The following ZNF419 variants were observed in gnomAD, a reference collection of about 807,000 sequenced individuals.
ZNF419 encodes the protein zinc finger protein 419.
ZNF419 carries 8 observed loss-of-function variants against 14.9 expected under a neutral mutation model. That is an observed-to-expected ratio of 0.54 (90% CI 0.32 to 0.97). The LOEUF (loss-of-function observed/expected upper bound fraction) is 0.97, where lower values mean the gene tolerates loss of function less well. Ranked by LOEUF, ZNF419 falls within the 50% of genes least tolerant of loss-of-function variation. The pLI is 0.04. For synonymous variants in ZNF419, 211 were observed against 205.3 expected, an observed-to-expected ratio of 1.03 and a Z score of -0.24; for missense variants, 595 against 607.2, an observed-to-expected ratio of 0.98 and a Z score of 0.21.
Position 57,493,958 on chromosome 19 carries a change from T to C in ZNF419, c.1401T>C (p.Asn467=). The change falls in exon 5 of 5, where the codon AAT becomes AAC. Residue 467 remains asparagine, a synonymous_variant. Transcript: ENST00000221735. Reference sequence around the variant, plus strand: ...AATGTGGGAGATTGTTTAGAGAGAATTCCAGCCTTGTTAAACATCAGAGGG... The same window carrying C: ...AATGTGGGAGATTGTTTAGAGAGAACTCCAGCCTTGTTAAACATCAGAGGG... ...CNECGRLFRE[N]SSLVKHQRVH... is the part of the protein sequence containing the mutation. 3 of 1,614,022 alleles carry C rather than the reference T, an allele frequency of 1.9e-6. No homozygotes were observed. The highest frequency in any genetic ancestry group is 2.5e-6 in the Non-Finnish European group (3 of 1,180,006).
At chr19:57,490,330 G>T in intron 2 of ZNF419, 145 bp downstream of exon 2, 1 of 665,408 alleles carries the variant, frequency 1.5e-6, no homozygotes, top group Non-Finnish European at 2.7e-6. Context: ...CACAGTCAGG[G>T]CCCTGAGTCC....
chr19:57,493,621 A>G lies in ZNF419; in HGVS notation c.1064A>G (p.Lys355Arg), dbSNP rs2089553001. The change falls in exon 5 of 5, where the codon AAG becomes AGG. Residue 355 changes from lysine to arginine, a missense_variant. Physicochemically the swap from Lys to Arg is conservative, Grantham distance 26 (BLOSUM62 2). Transcript: ENST00000221735. ...GAATGTGGAAAATTCTATAGCCACA[A>G]GTCCAACCTTATCAAACATTGGCGT... is the stretch of plus-strand genomic sequence containing the variant. ...CSECGKFYSH[K>R]SNLIKHWRVH... is the part of the protein sequence containing the mutation. The G allele has an allele frequency of 6.2e-7, 1 of 1,614,074 alleles. No individual in the cohort carries two copies.
intron 3 of ZNF419, 78 bp downstream of exon 3, chr19:57,491,675 T>C: frequency 6.2e-7 from 1 of 1,609,428 alleles, no homozygotes; most frequent in Non-Finnish European, 8.5e-7. Flanking sequence ...AGGTCTGTTC[T>C]TCCCAAAGCT....
intron 1 of ZNF419, chr19:57,489,219 A>C (rs1360089667): frequency 1.3e-5 from 2 of 152,242 alleles, no homozygotes; most frequent in African/African-American, 4.8e-5. Context: ...GTATGTGCTC[A>C]GGTTTCTCAG....
chr19:57,493,933 A>T lies in ZNF419; in HGVS notation c.1376A>T (p.Glu459Val). Residue 459 changes from glutamate to valine, a missense_variant, in exon 5 of 5, where the codon GAA (glutamate) becomes GTA (valine). Physicochemically the swap from Glu to Val is moderately radical, Grantham distance 121. Coordinates refer to ENST00000221735, the MANE Select transcript of ZNF419 (RefSeq NM_024691.4). ...HIGEKPFKCNECGRLFRENSS... is the reference protein window; with the variant it reads ...HIGEKPFKCNVCGRLFRENSS... ...GGAGAAAAGCCTTTTAAGTGCAATG[A>T]ATGTGGGAGATTGTTTAGAGAGAAT... The T allele has an allele frequency of 6.2e-7, 1 of 1,613,976 alleles. No homozygotes were observed. The highest frequency in any genetic ancestry group is 8.5e-7 in the Non-Finnish European group (1 of 1,180,012).
intron 1 of ZNF419, 28 bp downstream of exon 1, chr19:57,488,011 C>G (rs768330924): frequency 3.1e-6 from 5 of 1,613,294 alleles, no homozygotes; most frequent in Non-Finnish European, 4.2e-6. Flanking sequence ...CTGGCCTCCC[C>G]CGAATCCTAA....
In ZNF419 at chr19:57,496,062, A is replaced by G. The variant is rs1434411698; in HGVS notation, c.*1972A>G. Reference sequence around the variant, plus strand: ...ACAACATGATTTGAGGAAATACTGCATTGGAAAATAAATAAATGTTCACAG... The same window carrying G: ...ACAACATGATTTGAGGAAATACTGCGTTGGAAAATAAATAAATGTTCACAG... On this transcript the variant is annotated 3_prime_UTR_variant, in exon 5 of 5. Coordinates refer to ENST00000221735, the MANE Select transcript of ZNF419 (RefSeq NM_024691.4). The G allele has an allele frequency of 6.6e-6, 1 of 152,188 alleles. No homozygotes were observed. Among genetic ancestry groups the G allele is most frequent in the East Asian group, 1.9e-4 (1 of 5,188 alleles). The allele number at this position is 152,188 out of a possible 1,614,324, so 9.4% of individuals were successfully genotyped here. A position where few individuals can be genotyped will look rare whatever the true frequency, so the allele number is the denominator to read the frequency against.
At position 57,487,819 on chromosome 19, in the gene ZNF419, C is replaced by T. The variant is rs1433199170; in HGVS notation, c.-132C>T. 1.2e-5 allele frequency: 16 copies of T among 1,358,330 alleles called. No individual in the cohort carries two copies. The highest frequency in any genetic ancestry group is 4.3e-5 in the African/African-American group (3 of 69,378). 84.1% of individuals were successfully genotyped at this position (1,358,330 alleles called of 1,614,324 possible). On this transcript the variant is annotated 5_prime_UTR_variant, in exon 1 of 5. Coordinates refer to ENST00000221735, the MANE Select transcript of ZNF419 (RefSeq NM_024691.4). ...GGTTGTGCGCTGAGGCGACCAGCGCCGGAAGGCACGGTGGCGACTCACGCT... is the reference window on the plus strand; with the variant it reads ...GGTTGTGCGCTGAGGCGACCAGCGCTGGAAGGCACGGTGGCGACTCACGCT...
chr19:57,491,770 C>A (rs1416482780), intron 3 of ZNF419, 173 bp downstream of exon 3: 2 of 979,876 alleles, frequency 2.0e-6, no homozygotes, highest in Non-Finnish European at 3.1e-6. Context: ...ACCTTCTCTC[C>A]CCAAGCTGCC....
intron 3 of ZNF419, 199 bp from the exon 4 acceptor site, chr19:57,491,914 C>T: frequency 1.5e-6 from 1 of 655,232 alleles, no homozygotes; most frequent in South Asian, 1.8e-5. Flanking sequence ...TACATTCTGC[C>T]TGTCTCCTCT....
chr19:57,493,026 A>C lies in ZNF419; in HGVS notation c.469A>C (p.Lys157Gln). 1.9e-6 allele frequency: 3 copies of C among 1,614,168 alleles called. No individual in the cohort carries two copies. The highest frequency in any genetic ancestry group is 2.5e-6 in the Non-Finnish European group (3 of 1,180,028). ...LRSCKVHLSE[K>Q]SLQSREVGKA... ...GAGTTGCAAAGTTCACCTATCAGAG[A>C]AGTCCTTGCAAAGCAGGGAGGTTGG... The change falls in exon 5 of 5, where the codon AAG becomes CAG. Residue 157 changes from lysine to glutamine, a missense_variant. Physicochemically the swap from Lys to Gln is moderately conservative, Grantham distance 53. Transcript: ENST00000221735.
chr19:57,492,897 A>C lies in ZNF419; in HGVS notation c.340A>C (p.Ile114Leu), dbSNP rs768286749. ...GAEAEEAPEQ[I>L]ASVGLLSSNI... ...CGAGGCTGAGGAGGCTCCTGAGCAG[A>C]TTGCTTCTGTAGGACTGCTCAGTTC... Residue 114 changes from isoleucine (I) to leucine (L), a missense_variant, in exon 5 of 5, where the codon ATT becomes CTT. Coordinates refer to ENST00000221735, the MANE Select transcript of ZNF419 (RefSeq NM_024691.4). 66 of 1,613,972 alleles carry C rather than the reference A, an allele frequency of 4.1e-5. 2 individuals carry two copies. The highest frequency in any genetic ancestry group is 1.8e-5 in the Non-Finnish European group (21 of 1,179,992).
intron 2 of ZNF419, 89 bp downstream of exon 2, chr19:57,490,274 C>G: frequency 7.9e-7 from 1 of 1,258,940 alleles, no homozygotes; most frequent in Non-Finnish European, 1.1e-6. Flanking sequence ...TCCTTGCTGG[C>G]TATTCTCCCT....
In ZNF419 at chr19:57,491,233, G is replaced by C; in HGVS notation, c.73-238G>C. On this transcript the variant is annotated intron_variant, in intron 2 of 4. Coordinates refer to ENST00000221735, the MANE Select transcript of ZNF419 (RefSeq NM_024691.4). ...GGATCCAAGGTAAATTGTCTGGCAA[G>C]AGAAGAGTAGGACTCTGCATACCAT... is the stretch of plus-strand genomic sequence containing the variant. The C allele has an allele frequency of 8.7e-6, 5 of 573,246 alleles. No homozygotes were observed. The South Asian group carries it at 1.1e-4, about 13-fold the overall frequency. The allele number at this position is 573,246 out of a possible 1,614,324, so 35.5% of individuals were successfully genotyped here.
rs770160007 is a variant in ZNF419, at chr19:57,493,971, A to C, written c.1414A>C (p.Lys472Gln). 1 of 1,614,130 alleles carries C rather than the reference A, an allele frequency of 6.2e-7. No individual in the cohort carries two copies. The highest frequency in any genetic ancestry group is 8.5e-7 in the Non-Finnish European group (1 of 1,180,028). Residue 472 changes from lysine (K) to glutamine (Q), a missense_variant, in exon 5 of 5, where the codon AAA (lysine) becomes CAA (glutamine). By Grantham distance (53) the Lys-to-Gln change is moderately conservative. Coordinates refer to ENST00000221735, the MANE Select transcript of ZNF419 (RefSeq NM_024691.4). ...RLFRENSSLVKHQRVHTGAKP... is the reference protein window; with the variant it reads ...RLFRENSSLVQHQRVHTGAKP... Reference sequence around the variant, plus strand: ...GTTTAGAGAGAATTCCAGCCTTGTTAAACATCAGAGGGTTCACACTGGAGC... The same window carrying C: ...GTTTAGAGAGAATTCCAGCCTTGTTCAACATCAGAGGGTTCACACTGGAGC...
chr19:57,489,650 C>T (rs567681384), intron 1 of ZNF419: 227 of 155,384 alleles, frequency 1.5e-3, no homozygotes, highest in Non-Finnish European at 1.7e-3. Context: ...CCACCACGCT[C>T]AGCTAATTTT....
Position 57,487,855 on chromosome 19 carries a change from C to T in ZNF419, c.-96C>T. 6.3e-7 allele frequency: 1 copy of T among 1,586,488 alleles called. No homozygotes were observed. The highest frequency in any genetic ancestry group is 2.2e-5 in the East Asian group (1 of 44,688). On this transcript the variant is annotated 5_prime_UTR_variant, in exon 1 of 5. Coordinates refer to ENST00000221735, the MANE Select transcript of ZNF419 (RefSeq NM_024691.4). Reference sequence around the variant, plus strand: ...GTGGCGACTCACGCTGTTCTCGCCGCTCAGAGGCGGGTCTGAGGCTCGGTG... The same window carrying T: ...GTGGCGACTCACGCTGTTCTCGCCGTTCAGAGGCGGGTCTGAGGCTCGGTG...
rs767765945 is a variant in ZNF419 at position 57,493,699 on chromosome 19, C to G, written c.1142C>G (p.Thr381Ser). ...YKCSDCGKFF[T>S]QCSSLMQHQK... is the part of the protein sequence containing the mutation. ...TGCAGCGACTGTGGGAAATTTTTTACCCAATGCTCAAGCCTCATGCAACAT... is the reference window on the plus strand; with the variant it reads ...TGCAGCGACTGTGGGAAATTTTTTAGCCAATGCTCAAGCCTCATGCAACAT... The change falls in exon 5 of 5, where the codon ACC becomes AGC. Residue 381 changes from threonine to serine, a missense_variant. Coordinates refer to ENST00000221735, the MANE Select transcript of ZNF419 (RefSeq NM_024691.4). 2.2e-5 allele frequency: 35 copies of G among 1,613,588 alleles called. No individual in the cohort carries two copies. Among genetic ancestry groups the G allele is most frequent in the Non-Finnish European group, 2.7e-5 (32 of 1,179,934 alleles).
intron 3 of ZNF419, 190 bp from the exon 4 acceptor site, chr19:57,491,923 C>G (rs751609554): frequency 6.1e-6 from 4 of 656,004 alleles, no homozygotes; most frequent in Non-Finnish European, 1.1e-5. Context: ...CCTGTCTCCT[C>G]TAGCCAACAT....
Sources: gnomAD v4.1 joint callset for allele counts on GRCh38, gnomAD v4.1.1 for gene constraint, MANE v1.5 for transcripts, NCBI Gene and HGNC (gene_info 2026-07-23, HGNC 2026-07-21) for gene names.